NPHP1: variants seen among roughly 807,000 people sequenced by gnomAD.
NPHP1 encodes nephrocystin-1.
In NPHP1, 70 loss-of-function variants were observed where a neutral mutation model predicts 90.4. The observed-to-expected ratio is 0.77, with a 90% CI of 0.64 to 0.95. The LOEUF is 0.95. Among genes scored for constraint, NPHP1 ranks in the 40% least tolerant of loss-of-function variants. The probability of loss-of-function intolerance (pLI) is 0.00; values close to 1 mark genes in which losing one functional copy is unlikely to be tolerated. For synonymous variants in NPHP1, 256 were observed against 271.7 expected (o/e 0.94, Z 0.57); for missense variants, 764 against 795.9 (o/e 0.96, Z 0.48).
At chr2:110,185,933 G>A (rs1684253320) in intron 2 of NPHP1, among the ~76,000 whole-genome samples, 1 of 152,156 alleles carries the variant, frequency 6.6e-6, no homozygotes, top group African/African-American at 2.4e-5. Flanking sequence ...CCAGGTCCTT[G>A]CTTTCCATCC....
At chr2:110,141,447 T>C (rs1680620704) in intron 16 of NPHP1, among the ~76,000 whole-genome samples, 1 of 152,122 alleles carries the variant, frequency 6.6e-6, no homozygotes, top group Non-Finnish European at 1.5e-5. Flanking sequence ...AGATGTTAAA[T>C]GACTAGTCTA....
chr2:110,168,575 C>A, intron 5 of NPHP1, 22 bp from the exon 6 acceptor site: 1 of 1,461,254 alleles, frequency 6.8e-7, no homozygotes, highest in Non-Finnish European at 9.6e-7. Context: ...ACAAAGTAAA[C>A]CATTTTAAAT....
chr2:110,166,944 G>C (rs1682769575), intron 6 of NPHP1, among the ~76,000 whole-genome samples: 1 of 152,028 alleles, frequency 6.6e-6, no homozygotes, highest in African/African-American at 2.4e-5. Context: ...ACTGAGAAGT[G>C]CTGTAAATGT....
chr2:110,190,558 T>A (rs983776909), intron 2 of NPHP1, among the ~76,000 whole-genome samples: 2 of 152,084 alleles, frequency 1.3e-5, no homozygotes, highest in Non-Finnish European at 2.9e-5. Context: ...CAGGCCCGGT[T>A]CCCACCCGCG....
chr2:110,165,885 T>A (rs559623621), intron 6 of NPHP1, among the ~76,000 whole-genome samples: 1 of 152,038 alleles, frequency 6.6e-6, no homozygotes, highest in East Asian at 1.9e-4. Context: ...TATTACACAA[T>A]CCATACAAGT....
rs1679131286 is a variant in NPHP1 at position 110,123,595 on chromosome 2, T to A, written c.*196A>T. On this transcript the variant is annotated 3_prime_UTR_variant, in exon 20 of 20. Transcript: ENST00000445609. Reference sequence around the variant, plus strand: ...AATTTAGATATAACAGTATTCCTTATAAAAATTTATTTTATGGTTTTAAAA... The same window carrying A: ...AATTTAGATATAACAGTATTCCTTAAAAAAATTTATTTTATGGTTTTAAAA... The A allele has an allele frequency of 7.0e-6, 4 of 569,908 alleles. No individual in the cohort carries two copies. In the South Asian group the frequency reaches 7.7e-5, roughly 11 times the overall value. The allele number at this position is 569,908 out of a possible 1,614,324, so 35.3% of individuals were successfully genotyped here.
At chr2:110,202,282 A>C in intron 1 of NPHP1, 1 of 312,084 alleles carries the variant, frequency 3.2e-6, no homozygotes, top group Non-Finnish European at 6.7e-6. Flanking sequence ...AGAGAAGATA[A>C]AGTGGATGAA....
intron 16 of NPHP1, among the ~76,000 whole-genome samples, chr2:110,142,124 AC>A (rs1680694143): frequency 1.3e-5 from 2 of 152,242 alleles, no homozygotes; most frequent in African/African-American, 4.8e-5. Context: ...AAATTTGTAC[AC>A]AAATGTTTAA....
At chr2:110,186,071 C>T (rs1684261523) in intron 2 of NPHP1, among the ~76,000 whole-genome samples, 2 of 152,162 alleles carry the variant, frequency 1.3e-5, no homozygotes, top group Non-Finnish European at 2.9e-5. Context: ...TAAGCTTAGC[C>T]TAGCCTCCAG....
intron 1 of NPHP1, 140 bp downstream of exon 1, chr2:110,204,759 AG>A: frequency 2.6e-6 from 2 of 780,240 alleles, no homozygotes; most frequent in South Asian, 2.9e-5. Flanking sequence ...TTATGGGGTA[AG>A]GGGGCGTTAC....
intron 11 of NPHP1, among the ~76,000 whole-genome samples, chr2:110,155,313 T>C (rs1681807877): frequency 6.6e-6 from 1 of 152,154 alleles, no homozygotes; most frequent in Non-Finnish European, 1.5e-5. Context: ...GGCGGGGCTC[T>C]CATGGAGAAT....
At position 110,132,524 on chromosome 2, in the gene NPHP1, G is replaced by A. The variant is rs149160337; in HGVS notation, c.1530-733C>T. Among the ~76,000 whole-genome samples, 16 of 152,120 alleles carry A rather than the reference G, an allele frequency of 1.1e-4. No individual in the cohort carries two copies. The East Asian group carries it at 2.7e-3, about 26-fold the overall frequency. On this transcript the variant is annotated intron_variant, in intron 16 of 19. Transcript: ENST00000445609. ...ACAAAAATTAGCCAGGTTTGGTGGC[G>A]GGCACCTGTAATCCCAGCTACTCAG...
chr2:110,179,409 C>T (rs1325873329), intron 3 of NPHP1, among the ~76,000 whole-genome samples: 6 of 152,158 alleles, frequency 3.9e-5, no homozygotes, highest in Non-Finnish European at 8.8e-5. Flanking sequence ...GTGAGTTCAT[C>T]AAAGCTGAAC....
At chr2:110,150,874 G>C (rs888929191) in intron 11 of NPHP1, among the ~76,000 whole-genome samples, 1 of 150,338 alleles carries the variant, frequency 6.7e-6, no homozygotes, top group African/African-American at 2.4e-5. Context: ...TAAAAGAAAA[G>C]ATGTGACCCA....
At chr2:110,175,914 T>C (rs1683478576) in intron 4 of NPHP1, among the ~76,000 whole-genome samples, 1 of 152,140 alleles carries the variant, frequency 6.6e-6, no homozygotes, top group African/African-American at 2.4e-5. Flanking sequence ...TTTTTGTGTA[T>C]CAATTTGAAA....
intron 4 of NPHP1, among the ~76,000 whole-genome samples, chr2:110,173,051 C>T (rs146786808): frequency 0.042 from 6,346 of 150,900 alleles, 433 homozygotes; most frequent in African/African-American, 0.14. Flanking sequence ...CTCCACCTCC[C>T]GGGTTCAAGC....
At chr2:110,184,455 G>A in intron 2 of NPHP1, 3 of 730,654 alleles carry the variant, frequency 4.1e-6, no homozygotes, top group African/African-American at 1.7e-5. Context: ...GAGCTTCAAT[G>A]TGCCTGCTAT....
chr2:110,185,599 G>A (rs1487953503), intron 2 of NPHP1, among the ~76,000 whole-genome samples: 1 of 152,114 alleles, frequency 6.6e-6, no homozygotes, highest in Non-Finnish European at 1.5e-5. Flanking sequence ...GTGCCCTGAG[G>A]ACCCAGGCAG....
chr2:110,184,260 C>A (rs1684121970), intron 2 of NPHP1: 1 of 585,764 alleles, frequency 1.7e-6, no homozygotes, highest in African/African-American at 1.8e-5. Flanking sequence ...CCAAGGGCTG[C>A]TCTCAATCTG....
Sources: gnomAD v4.1 joint callset for allele counts (sites outside exome capture counted in the v4.1 genomes callset) on GRCh38, gnomAD v4.1.1 for gene constraint, MANE v1.5 for transcripts, NCBI Gene and HGNC (gene_info 2026-07-23, HGNC 2026-07-21) for gene names.